The following CYP46A1 variants were observed in gnomAD, a reference collection of about 807,000 sequenced individuals.
CYP46A1 encodes the protein cholesterol 24-hydroxylase.
A neutral mutation model predicts 63.3 loss-of-function variants in CYP46A1; 20 were observed. The ratio of observed to expected loss-of-function variants is 0.32; its 90% CI spans 0.22 to 0.46. CYP46A1 has a LOEUF of 0.46. CYP46A1 is among the 20% of genes least tolerant of loss of function. CYP46A1 has a pLI of 1.00. For synonymous variants in CYP46A1, 268 were observed against 273.6 expected (o/e 0.98, Z 0.20); for missense variants, 445 against 670.8 (o/e 0.66, Z 3.72).
In CYP46A1 at chr14:99,684,441, C is replaced by T. The variant is rs894318358; in HGVS notation, c.24C>T (p.Leu8=). Residue 8 remains leucine, a synonymous_variant, in exon 1 of 15, where the codon CTC becomes CTT. Coordinates refer to ENST00000261835, the MANE Select transcript of CYP46A1 (RefSeq NM_006668.2). ...CCATGAGCCCCGGGCTGCTGCTGCT[C>T]GGCAGCGCCGTCCTGCTCGCCTTCG... is the stretch of plus-strand genomic sequence containing the variant. MSPGLLL[L]GSAVLLAFGL... is the part of the protein sequence containing the mutation. 6 of 1,469,450 alleles carry T rather than the reference C, an allele frequency of 4.1e-6. No homozygotes were observed. Among genetic ancestry groups the T allele is most frequent in the Non-Finnish European group, 5.4e-6 (6 of 1,116,426 alleles). 91.0% of individuals were successfully genotyped at this position (1,469,450 alleles called of 1,614,324 possible).
intron 5 of CYP46A1, among the ~76,000 whole-genome samples, chr14:99,705,280 T>C (rs2056665989): frequency 6.6e-6 from 1 of 152,206 alleles, no homozygotes; most frequent in Non-Finnish European, 1.5e-5. Flanking sequence ...TGACCATAGC[T>C]TACTCTAACC....
intron 5 of CYP46A1, among the ~76,000 whole-genome samples, chr14:99,700,866 T>C: frequency 6.6e-6 from 1 of 152,188 alleles, no homozygotes; most frequent in Non-Finnish European, 1.5e-5. Context: ...TCATAGGAGA[T>C]GACAGCTCCA....
At chr14:99,688,222 G>A (rs2056511855) in intron 1 of CYP46A1, among the ~76,000 whole-genome samples, 1 of 152,114 alleles carries the variant, frequency 6.6e-6, no homozygotes, top group Non-Finnish European at 1.5e-5. Context: ...ATACATCCAG[G>A]CATGTGTGAT....
intron 5 of CYP46A1, 86 bp from the exon 6 acceptor site, chr14:99,706,561 T>C: frequency 6.5e-7 from 1 of 1,533,624 alleles, no homozygotes; most frequent in Non-Finnish European, 8.9e-7. Flanking sequence ...CTCTGCACAG[T>C]ATCCTCTCTG....
intron 7 of CYP46A1, chr14:99,711,186 A>C (rs903726482): frequency 1.3e-5 from 2 of 152,168 alleles, no homozygotes; most frequent in South Asian, 4.1e-4. Context: ...TATAACAGTA[A>C]ACACTTACAT....
chr14:99,706,300 A>T (rs1454973878), intron 5 of CYP46A1: 1 of 190,710 alleles, frequency 5.2e-6, no homozygotes, highest in African/African-American at 2.3e-5. Context: ...GGGAACCGGG[A>T]TTGCCCTCTC....
intron 5 of CYP46A1, among the ~76,000 whole-genome samples, chr14:99,700,377 C>A (rs12895121): frequency 3.9e-5 from 6 of 151,980 alleles, no homozygotes; most frequent in East Asian, 3.9e-4. Flanking sequence ...GGTTCCTGTC[C>A]TCCAAGAGCT....
chr14:99,724,538 G>A (rs1566837593), intron 12 of CYP46A1, among the ~76,000 whole-genome samples: 1 of 152,246 alleles, frequency 6.6e-6, no homozygotes, highest in Non-Finnish European at 1.5e-5. Flanking sequence ...TGGGCTTTGA[G>A]TGGGCAGACT....
intron 9 of CYP46A1, among the ~76,000 whole-genome samples, chr14:99,717,314 C>CCGAGGGCA (rs2056799314): frequency 6.6e-6 from 1 of 152,152 alleles, no homozygotes; most frequent in Non-Finnish European, 1.5e-5. Flanking sequence ...GGGGGACTGG[C>CCGAGGGCA]CGAGGGCACG....
In CYP46A1 at chr14:99,722,403, C is replaced by G. The variant is rs74340576; in HGVS notation, c.1176+337C>G. On this transcript the variant is annotated intron_variant, in intron 12 of 14. Coordinates refer to ENST00000261835, the MANE Select transcript of CYP46A1 (RefSeq NM_006668.2). This position sits in a 1 kb window ranked among gnomAD's most constrained non-coding sequence, Gnocchi z 4.6. ...AAATTGCCCAGTTTCACAGTTGACCCAAACTTGTCCTGGTTCCTTCTCTCC... is the reference window on the plus strand; with the variant it reads ...AAATTGCCCAGTTTCACAGTTGACCGAAACTTGTCCTGGTTCCTTCTCTCC... Among the ~76,000 whole-genome samples the G allele has an allele frequency of 5.3e-3, 809 of 152,286 alleles. 15 individuals carry two copies. In the Middle Eastern group the frequency reaches 0.054, roughly 10 times the overall value.
At chr14:99,694,062 C>T (rs952556547) in intron 3 of CYP46A1, among the ~76,000 whole-genome samples, 2 of 149,360 alleles carry the variant, frequency 1.3e-5, no homozygotes, top group African/African-American at 4.9e-5. Context: ...GTGCGTCATA[C>T]ATGTGTAATC....
Position 99,726,583 on chromosome 14 carries a change from G to T in CYP46A1, c.1359G>T (p.Lys453Asn). 6.3e-7 allele frequency: 1 copy of T among 1,593,534 alleles called. No individual in the cohort carries two copies. Among genetic ancestry groups the T allele is most frequent in the Non-Finnish European group, 8.5e-7 (1 of 1,171,638 alleles). ...AQMEVKVVMA[K>N]LLQRLEFRLV... The stretch of plus-strand genomic sequence containing the variant: ...TGGAGGTGAAGGTGGTCATGGCAAA[G>T]CTGCTGCAGAGGCTGGAGTTCCGGC... Residue 453 changes from lysine (K) to asparagine (N), a missense_variant, in exon 15 of 15, where the codon AAG (lysine) becomes AAT (asparagine). Lys to Asn is a moderately conservative substitution (Grantham distance 94, BLOSUM62 0). Coordinates refer to ENST00000261835, the MANE Select transcript of CYP46A1 (RefSeq NM_006668.2).
At chr14:99,702,628 C>G (rs1309461881) in intron 5 of CYP46A1, among the ~76,000 whole-genome samples, 2 of 151,956 alleles carry the variant, frequency 1.3e-5, no homozygotes, top group Non-Finnish European at 2.9e-5. Flanking sequence ...TTTAAATCAC[C>G]ATTTGCTTTA....
At chr14:99,702,948 C>T (rs2056644788) in intron 5 of CYP46A1, among the ~76,000 whole-genome samples, 1 of 152,024 alleles carries the variant, frequency 6.6e-6, no homozygotes, top group Admixed American at 6.5e-5. Flanking sequence ...CATTTAATTC[C>T]CCTGTCACTT....
intron 7 of CYP46A1, chr14:99,710,765 A>G (rs1334628718): frequency 6.6e-6 from 1 of 152,200 alleles, no homozygotes; most frequent in African/African-American, 2.4e-5. Flanking sequence ...GATCATCTAG[A>G]CAGAAAATCA....
At chr14:99,689,596 G>A (rs2056525657) in intron 1 of CYP46A1, among the ~76,000 whole-genome samples, 2 of 152,294 alleles carry the variant, frequency 1.3e-5, no homozygotes, top group South Asian at 4.1e-4. Flanking sequence ...CCTCATCTTG[G>A]TAGATGGTCG....
chr14:99,714,903 A>G (rs1319104154), intron 7 of CYP46A1, among the ~76,000 whole-genome samples: 1 of 152,244 alleles, frequency 6.6e-6, no homozygotes, highest in Middle Eastern at 3.2e-3. Flanking sequence ...AGGCAAGACC[A>G]GAAAGACAAA....
rs943398726 is a variant in CYP46A1, at chr14:99,716,322, A to G, written c.907+123A>G. 3 of 1,011,956 alleles carry G rather than the reference A, an allele frequency of 3.0e-6. No homozygotes were observed. In the Admixed American group the frequency reaches 5.9e-5, roughly 20 times the overall value. The allele number at this position is 1,011,956 out of a possible 1,614,324, so 62.7% of individuals were successfully genotyped here. On this transcript the variant is annotated intron_variant, in intron 9 of 14. Coordinates refer to ENST00000261835, the MANE Select transcript of CYP46A1 (RefSeq NM_006668.2). ...TCTGAGCAGAGCTCACCGCAGGGCT[A>G]GGGGGCTGGGCTGAAGGGAGCAGAA... is the stretch of plus-strand genomic sequence containing the variant.
rs1250896737 is a variant in CYP46A1, at chr14:99,722,626, TTG to T, written c.1176+566_1176+567del. On this transcript the variant is annotated intron_variant, in intron 12 of 14. Coordinates refer to ENST00000261835, the MANE Select transcript of CYP46A1 (RefSeq NM_006668.2). This position sits in a 1 kb window ranked among gnomAD's most constrained non-coding sequence, Gnocchi z 4.6. Reference sequence around the variant, plus strand: ...GCTGACAAGGAATCACTAATCTGAATTGTGTGTTTGCCATTCCCGTGTGTGTG... The same window carrying T: ...GCTGACAAGGAATCACTAATCTGAATTGTGTTTGCCATTCCCGTGTGTGTG... Among the ~76,000 whole-genome samples, 4 of 144,914 alleles carry T rather than the reference TTG, an allele frequency of 2.8e-5. No homozygotes were observed. The highest frequency in any genetic ancestry group is 5.0e-5 in the African/African-American group (2 of 39,868).
Sources: gnomAD v4.1 joint callset for allele counts (sites outside exome capture counted in the v4.1 genomes callset) on GRCh38, gnomAD v4.1.1 for gene constraint, Gnocchi (gnomAD v3.1) non-coding constraint, MANE v1.5 for transcripts, NCBI Gene and HGNC (gene_info 2026-07-23, HGNC 2026-07-21) for gene names.